CEP131: variants seen among roughly 807,000 people sequenced by gnomAD.
CEP131 encodes the protein centrosomal protein of 131 kDa.
CEP131 carries 99 observed loss-of-function variants against 136.8 expected under a neutral mutation model. The observed-to-expected ratio is 0.72, with a 90% CI of 0.62 to 0.86. CEP131 has a LOEUF of 0.86. CEP131 is among the 40% of genes least tolerant of loss of function. CEP131 has a pLI of 0.00. For synonymous variants in CEP131, 646 were observed against 612.7 expected, an observed-to-expected ratio of 1.05 and a Z score of -0.80; for missense variants, 1,459 against 1,463.0, an observed-to-expected ratio of 1.00 and a Z score of 0.04.
At chr17:81,200,502 AGCTGGCT>A (rs1334835303) in intron 7 of CEP131, 56 bp from the exon 8 acceptor site, 167 of 1,339,000 alleles carry the variant, frequency 1.2e-4, no homozygotes, top group Non-Finnish European at 1.6e-4. Context: ...GGCAGGACCC[AGCTGGCT>A]GCTGGTGGAA....
At position 81,197,961 on chromosome 17, in the gene CEP131, G is replaced by A. The variant is rs2061802040; in HGVS notation, c.1471-73C>T. ...ACTTGGGTTCCCCAAAGGCAGAGGT[G>A]GCAGCTGAGGCTGGGCTCTGGGAGG... On this transcript the variant is annotated intron_variant, in intron 12 of 25. Coordinates refer to ENST00000450824, the MANE Select transcript of CEP131 (RefSeq NM_014984.4). 6 of 1,553,918 alleles carry A rather than the reference G, an allele frequency of 3.9e-6. No homozygotes were observed. The South Asian group carries it at 6.0e-5, about 16-fold the overall frequency.
Position 81,219,926 on chromosome 17 carries a change from C to G in CEP131, c.131G>C (p.Arg44Pro). The G allele has an allele frequency of 3.1e-6, 5 of 1,611,584 alleles. No individual in the cohort carries two copies. Among genetic ancestry groups the G allele is most frequent in the Non-Finnish European group, 4.2e-6 (5 of 1,178,908 alleles). ...GCTGCCTGTGACCACGGAGACAGAG[C>G]GGACGATGGGCTTGGTGGTGGCGGC... ...GSAATTKPIV[R>P]SVSVVTGSEQ... The change falls in exon 2 of 26, where the codon CGC (arginine) becomes CCC (proline). Residue 44 changes from arginine (R) to proline (P), a missense_variant. Around this residue, in one of 3 missense-constraint regions of CEP131, gnomAD observed 187 missense variants for 179.9 expected, o/e 1.04. Transcript: ENST00000450824. This position sits in a 1 kb window ranked among gnomAD's most constrained non-coding sequence, Gnocchi z 4.0.
At position 81,190,641 on chromosome 17, in the gene CEP131, C is replaced by T. The variant is rs1303847744; in HGVS notation, c.3105G>A (p.Arg1035=). 1 of 1,585,430 alleles carries T rather than the reference C, an allele frequency of 6.3e-7. No individual in the cohort carries two copies. The highest frequency in any genetic ancestry group is 1.7e-5 in the Admixed American group (1 of 58,120). ...RQQLELEEVH[R]RVKTALARKE... is the part of the protein sequence containing the mutation. Reference sequence around the variant, plus strand: ...GCCCTGCAGCCCCCGCCGCCCACCTCCGGTGCACCTCCTCCAGCTCCAGCT... The same window carrying T: ...GCCCTGCAGCCCCCGCCGCCCACCTTCGGTGCACCTCCTCCAGCTCCAGCT... Residue 1035 remains arginine, a splice_region_variant and synonymous_variant, in exon 24 of 26, where the codon CGG becomes CGA. Coordinates refer to ENST00000450824, the MANE Select transcript of CEP131 (RefSeq NM_014984.4).
At chr17:81,191,432 C>T in intron 21 of CEP131, 97 bp from the exon 22 acceptor site, 2 of 1,187,790 alleles carry the variant, frequency 1.7e-6, no homozygotes, top group South Asian at 1.3e-5. Flanking sequence ...AGGCTCTGAG[C>T]CACAGGGGAG....
chr17:81,198,406 T>G, intron 11 of CEP131, 109 bp from the exon 12 acceptor site: 1 of 1,150,318 alleles, frequency 8.7e-7, no homozygotes, highest in Non-Finnish European at 1.2e-6. Flanking sequence ...AGCTCCCCAG[T>G]CCCGACATTC....
At chr17:81,194,729 G>A (rs1414302105) in intron 17 of CEP131, 141 bp downstream of exon 17, 2 of 771,512 alleles carry the variant, frequency 2.6e-6, no homozygotes, top group African/African-American at 1.7e-5. Flanking sequence ...CCGTGACGGG[G>A]GTGGTTGGGG....
In CEP131 at chr17:81,200,300, C is replaced by G. The variant is rs770177121; in HGVS notation, c.906+29G>C. On this transcript the variant is annotated intron_variant, in intron 8 of 25. Transcript: ENST00000450824. Reference sequence around the variant, plus strand: ...TTCTGGGCCAGACCCCCCGGGGGAGCATGGAGTGACTGAGACGCCCACACT... The same window carrying G: ...TTCTGGGCCAGACCCCCCGGGGGAGGATGGAGTGACTGAGACGCCCACACT... 2.8e-5 allele frequency: 44 copies of G among 1,552,684 alleles called. No homozygotes were observed. The South Asian group carries it at 5.0e-4, about 18-fold the overall frequency.
At position 81,211,576 on chromosome 17, in the gene CEP131, GC is replaced by G. The variant is rs1199592874; in HGVS notation, c.178-2555del. On this transcript the variant is annotated intron_variant, in intron 2 of 25. Transcript: ENST00000450824. ...AGCCCTCCACCCCTGGGAGGCAGAC[GC>G]CAAGTCCCTGAGGAAAGTGCCTTTG... Among the ~76,000 whole-genome samples, 3 of 152,198 alleles carry G rather than the reference GC, an allele frequency of 2.0e-5. No homozygotes were observed. The East Asian group carries it at 5.8e-4, about 29-fold the overall frequency.
chr17:81,221,694 C>A (rs1393463267), intron 1 of CEP131, among the ~76,000 whole-genome samples: 1 of 152,234 alleles, frequency 6.6e-6, no homozygotes, highest in Non-Finnish European at 1.5e-5. Flanking sequence ...CCGGCTCGGA[C>A]TCCCTTCCTG....
At chr17:81,191,828 C>T (rs2061647594) in intron 21 of CEP131, among the ~76,000 whole-genome samples, 1 of 152,196 alleles carries the variant, frequency 6.6e-6, no homozygotes, top group African/African-American at 2.4e-5. Context: ...CGGTGACATC[C>T]CAGCCCACCA....
intron 9 of CEP131, 74 bp downstream of exon 9, chr17:81,199,645 G>A: frequency 6.3e-7 from 1 of 1,597,456 alleles, no homozygotes. Flanking sequence ...CGGGGCCCAG[G>A]GAGCCCCAGC....
In CEP131 at chr17:81,219,392, C is replaced by T. The variant is rs894921327; in HGVS notation, c.177+488G>A. ...CACCGCAACCTCTGCCTCCTGGGTT[C>T]GAGCAAATCTCCTGCCTCAGCCTCC... is the stretch of plus-strand genomic sequence containing the variant. On this transcript the variant is annotated intron_variant, in intron 2 of 25. Transcript: ENST00000450824. This position sits in a 1 kb window ranked among gnomAD's most constrained non-coding sequence, Gnocchi z 4.0. Among the ~76,000 whole-genome samples the T allele has an allele frequency of 2.7e-5, 4 of 148,652 alleles. No individual in the cohort carries two copies. The South Asian group carries it at 8.4e-4, about 31-fold the overall frequency.
chr17:81,198,166 C>T lies in CEP131; in HGVS notation c.1419G>A (p.Val473=), dbSNP rs117891655. ...TGTGATGGGTCCTGGGGCGGGGCAG[C>T]ACGTCCGGCTCCTTCTCCAGCAGCT... The part of the protein sequence containing the change: ...TLQLLEKEPD[V]LPRPRTHHRG... The change falls in exon 12 of 26, where the codon GTG becomes GTA. Residue 473 remains valine (V), a synonymous_variant. Transcript: ENST00000450824. 7.4e-3 allele frequency: 11,730 copies of T among 1,575,086 alleles called. 68 individuals carry two copies. Among genetic ancestry groups the T allele is most frequent in the Non-Finnish European group, 9.3e-3 (10,745 of 1,160,440 alleles).
At chr17:81,199,360 C>T (rs565748631) in intron 10 of CEP131, 21 bp downstream of exon 10, 20 of 1,582,888 alleles carry the variant, frequency 1.3e-5, no homozygotes, top group South Asian at 3.4e-5. Flanking sequence ...CAGAGCAGGG[C>T]GGGCGTGGAG....
At chr17:81,192,685 G>GGGGGGGGGGCGCCCCC in intron 19 of CEP131, 51 bp downstream of exon 19, 2 of 478,434 alleles carry the variant, frequency 4.2e-6, no homozygotes, top group Non-Finnish European at 8.1e-6. Flanking sequence ...GGGGGGAGGG[G>GGGGGGGGGGCGCCCCC]TCAGCCAGCG....
At chr17:81,218,559 G>A (rs1219224363) in intron 2 of CEP131, among the ~76,000 whole-genome samples, 8 of 152,350 alleles carry the variant, frequency 5.3e-5, no homozygotes, top group Non-Finnish European at 7.3e-5. Flanking sequence ...CACAGCTTAC[G>A]TCTGTAAATG....
At chr17:81,200,185 G>C in intron 8 of CEP131, 144 bp downstream of exon 8, 1 of 696,672 alleles carries the variant, frequency 1.4e-6, no homozygotes, top group South Asian at 1.9e-5. Flanking sequence ...CGGGGACCCA[G>C]GGTCAAGAAG....
rs1180482421 is a variant in CEP131, at chr17:81,208,559, A to G, written c.272+369T>C. On this transcript the variant is annotated intron_variant, in intron 3 of 25. Transcript: ENST00000450824. The surrounding 1 kb of genome is among the most constrained non-coding windows in gnomAD (Gnocchi z 5.6). ...GGCAAAGGTGGGAACAGGGGCGCACAGCGTGGGGGTTCAGAAGGGTCACAG... is the reference window on the plus strand; with the variant it reads ...GGCAAAGGTGGGAACAGGGGCGCACGGCGTGGGGGTTCAGAAGGGTCACAG... 2.6e-5 allele frequency among the ~76,000 whole-genome samples: 4 copies of G among 152,256 alleles called. No homozygotes were observed. The highest frequency in any genetic ancestry group is 9.6e-5 in the African/African-American group (4 of 41,472).
chr17:81,220,169 G>C (rs2062355371), intron 1 of CEP131, 96 bp from the exon 2 acceptor site: 5 of 1,089,858 alleles, frequency 4.6e-6, no homozygotes, highest in Non-Finnish European at 4.8e-6. Context: ...GGGTCCACTG[G>C]CCACCAAACT....
Sources: gnomAD v4.1 joint callset for allele counts (sites outside exome capture counted in the v4.1 genomes callset) on GRCh38, gnomAD v4.1.1 for gene constraint, gnomAD v4.1.1 regional missense constraint, Gnocchi (gnomAD v3.1) non-coding constraint, MANE v1.5 for transcripts, NCBI Gene and HGNC (gene_info 2026-07-23, HGNC 2026-07-21) for gene names.